HECW2: variants seen among roughly 807,000 people sequenced by gnomAD.
HECW2 encodes the protein HECT, C2 and WW domain containing E3 ubiquitin protein ligase 2.
Under a neutral mutation model 175.2 loss-of-function variants are expected in HECW2, and 61 were observed. The ratio of observed to expected loss-of-function variants is 0.35; its 90% confidence interval spans 0.28 to 0.43. The LOEUF is 0.43. Ranked by LOEUF, HECW2 falls within the 20% of genes least tolerant of loss-of-function variation. HECW2 has a pLI of 1.00. For synonymous variants in HECW2, 671 were observed against 731.0 expected, an observed-to-expected ratio of 0.92 and a Z score of 1.32; for missense variants, 1,524 against 2,000.5, an observed-to-expected ratio of 0.76 and a Z score of 4.54.
At chr2:196,317,621 C>T (rs563445171) in intron 9 of HECW2, among the ~76,000 whole-genome samples, 7 of 151,938 alleles carry the variant, frequency 4.6e-5, no homozygotes, top group Admixed American at 1.3e-4. Context: ...TCACCCATAA[C>T]GGCCTCTGTC....
At chr2:196,382,988 G>A (rs1359785670) in intron 2 of HECW2, among the ~76,000 whole-genome samples, 1 of 152,338 alleles carries the variant, frequency 6.6e-6, no homozygotes, top group Non-Finnish European at 1.5e-5. Context: ...TCTGGTGGCA[G>A]TATGGGGGAT....
Position 196,433,203 on chromosome 2 carries a change from T to C in HECW2, c.221A>G (p.Gln74Arg). ...AATGTCCCAGAAGATAATGAGGTTC[T>C]GGGCTTGCCCCAGCGTGTACTCGTA... ...SMYEYTLGQA[Q>R]NLIIFWDIKE... is the part of the protein sequence containing the mutation. The change falls in exon 2 of 29, where the codon CAG (glutamine) becomes CGG (arginine). Residue 74 changes from glutamine (Q) to arginine (R), a missense_variant. Coordinates refer to ENST00000644978, the MANE Select transcript of HECW2 (RefSeq NM_001348768.2). The C allele has an allele frequency of 4.3e-6, 7 of 1,614,214 alleles. No homozygotes were observed. Among genetic ancestry groups the C allele is most frequent in the Non-Finnish European group, 5.1e-6 (6 of 1,180,018 alleles).
chr2:196,256,154 A>G (rs1031681780), intron 18 of HECW2, among the ~76,000 whole-genome samples: 1 of 152,228 alleles, frequency 6.6e-6, no homozygotes, highest in Non-Finnish European at 1.5e-5. Flanking sequence ...CTTATTAAGC[A>G]TGTACATATA....
chr2:196,259,374 T>A (rs1689192107), intron 17 of HECW2, among the ~76,000 whole-genome samples: 1 of 152,234 alleles, frequency 6.6e-6, no homozygotes, highest in Non-Finnish European at 1.5e-5. Flanking sequence ...CATGTTCACA[T>A]GAAAAATTCC....
chr2:196,267,871 ATCT>A (rs2105952496), intron 17 of HECW2, among the ~76,000 whole-genome samples: 1 of 152,344 alleles, frequency 6.6e-6, no homozygotes, highest in South Asian at 2.1e-4. Flanking sequence ...AGGAATATTT[ATCT>A]TAAGTGGTGT....
At chr2:196,356,913 AT>A (rs1254616184) in intron 2 of HECW2, among the ~76,000 whole-genome samples, 1 of 152,214 alleles carries the variant, frequency 6.6e-6, no homozygotes, top group Non-Finnish European at 1.5e-5. Context: ...CTTGGAACGT[AT>A]CCCCCGTGGA....
At chr2:196,244,631 G>A (rs546947984) in intron 19 of HECW2, among the ~76,000 whole-genome samples, 4 of 152,302 alleles carry the variant, frequency 2.6e-5, no homozygotes, top group South Asian at 4.1e-4. Context: ...AAAGAAATGA[G>A]TATAAGTAGA....
Position 196,364,222 on chromosome 2 carries a change from C to T in HECW2, c.293-20458G>A, listed in dbSNP as rs118038053. ...TGCGCTCTAGGTTCTGGATTACCCA[C>T]GTATTACCAACACCTACATGTGACT... is the stretch of plus-strand genomic sequence containing the variant. On this transcript the variant is annotated intron_variant, in intron 2 of 28. Transcript: ENST00000644978. Among the ~76,000 whole-genome samples the T allele has an allele frequency of 6.6e-3, 1,000 of 152,304 alleles. 8 individuals are homozygous for T. Among genetic ancestry groups the T allele is most frequent in the Middle Eastern group, 0.02 (6 of 294 alleles).
intron 10 of HECW2, chr2:196,315,695 A>G (rs1385513784): frequency 6.6e-6 from 1 of 152,224 alleles, no homozygotes; most frequent in African/African-American, 2.4e-5. Flanking sequence ...GCAAACACCA[A>G]TATTTAAACA....
At chr2:196,523,475 C>T (rs957810762) in intron 1 of HECW2, among the ~76,000 whole-genome samples, 1,888 of 150,872 alleles carry the variant, frequency 0.013, 40 homozygotes, top group African/African-American at 0.044. Flanking sequence ...ATTTCCTTCT[C>T]CTGCCTAATT....
intron 1 of HECW2, among the ~76,000 whole-genome samples, chr2:196,562,591 T>C (rs1321442802): frequency 6.6e-6 from 1 of 152,200 alleles, no homozygotes; most frequent in Non-Finnish European, 1.5e-5. Flanking sequence ...ACCCCAGCCT[T>C]ATCACTGCAT....
intron 2 of HECW2, among the ~76,000 whole-genome samples, chr2:196,361,456 A>T (rs1269448831): frequency 1.3e-5 from 2 of 152,178 alleles, no homozygotes; most frequent in Non-Finnish European, 2.9e-5. Flanking sequence ...CCGGCCATGA[A>T]ATCTATTTAG....
chr2:196,362,901 G>A (rs2105887326), intron 2 of HECW2, among the ~76,000 whole-genome samples: 1 of 152,206 alleles, frequency 6.6e-6, no homozygotes, highest in East Asian at 1.9e-4. Context: ...GCAACCTCCA[G>A]GAAAACTAGA....
rs1691862087 is a variant in HECW2, at chr2:196,319,626, C to T, written c.1264G>A (p.Ala422Thr). 2.5e-6 allele frequency: 4 copies of T among 1,614,110 alleles called. No homozygotes were observed. The highest frequency in any genetic ancestry group is 2.2e-5 in the South Asian group (2 of 91,086). The change falls in exon 9 of 29, where the codon GCT becomes ACT. Residue 422 changes from alanine to threonine, a missense_variant. By Grantham distance (58) the Ala-to-Thr change is moderately conservative. Coordinates refer to ENST00000644978, the MANE Select transcript of HECW2 (RefSeq NM_001348768.2). The part of the protein sequence containing the change: ...RQDSLNDYLD[A>T]IEHNGHSRPG... ...CTGGAGTGGCCATTGTGTTCGATAG[C>T]ATCTAAGTAATCATTGAGTGAATCC...
intron 2 of HECW2, among the ~76,000 whole-genome samples, chr2:196,426,883 TCTTA>T (rs772096321): frequency 1.3e-5 from 2 of 152,184 alleles, no homozygotes; most frequent in Non-Finnish European, 2.9e-5. Context: ...ACTATTGCAA[TCTTA>T]CTTTATTTTA....
chr2:196,271,402 G>A (rs1689732631), intron 16 of HECW2, 113 bp from the exon 17 acceptor site: 1 of 698,120 alleles, frequency 1.4e-6, no homozygotes, highest in Admixed American at 2.5e-5. Context: ...TCCTGCCTCA[G>A]GCTTGCAAGT....
At chr2:196,382,850 A>T (rs11888148) in intron 2 of HECW2, among the ~76,000 whole-genome samples, 8,801 of 152,272 alleles carry the variant, frequency 0.058, 375 homozygotes, top group African/African-American at 0.11. Flanking sequence ...AGTAAAAATG[A>T]TATTGCAAAT....
intron 17 of HECW2, among the ~76,000 whole-genome samples, chr2:196,266,181 A>C (rs199750267): frequency 9.3e-5 from 14 of 151,238 alleles, no homozygotes; most frequent in Non-Finnish European, 1.5e-4. Flanking sequence ...AAAAAAAAAA[A>C]AAAAAACACA....
chr2:196,328,870 A>C (rs1692252954), intron 5 of HECW2, among the ~76,000 whole-genome samples: 1 of 152,198 alleles, frequency 6.6e-6, no homozygotes, highest in African/African-American at 2.4e-5. Context: ...CTATGTATGA[A>C]ATACATTTTA....
Sources: gnomAD v4.1 joint callset for allele counts (sites outside exome capture counted in the v4.1 genomes callset) on GRCh38, gnomAD v4.1.1 for gene constraint, MANE v1.5 for transcripts, NCBI Gene and HGNC (gene_info 2026-07-23, HGNC 2026-07-21) for gene names.